ACKR3: variants seen among roughly 807,000 people sequenced by gnomAD.
ACKR3 encodes the protein atypical chemokine receptor 3, also known as C-X-C chemokine receptor type 7.
A neutral mutation model predicts 22.4 loss-of-function variants in ACKR3; 6 were observed. The observed-to-expected ratio is 0.27, with a 90% CI of 0.15 to 0.53. ACKR3 has a LOEUF of 0.53. Ranked by LOEUF, ACKR3 falls within the 20% of genes least tolerant of loss-of-function variation. ACKR3 has a pLI of 0.96. For synonymous variants in ACKR3, 209 were observed against 205.2 expected, an observed-to-expected ratio of 1.02 and a Z score of -0.16; for missense variants, 396 against 475.2, an observed-to-expected ratio of 0.83 and a Z score of 1.55.
the ACKR3 span, among the ~76,000 whole-genome samples, chr2:236,555,853 G>A: frequency 6.6e-6 from 1 of 151,888 alleles, no homozygotes; most frequent in African/African-American, 2.4e-5. Flanking sequence ...GGAGGCATTG[G>A]CTCACTCCTT....
the ACKR3 span, among the ~76,000 whole-genome samples, chr2:236,557,358 T>G: frequency 6.6e-6 from 1 of 151,922 alleles, no homozygotes; most frequent in East Asian, 1.9e-4. Flanking sequence ...AGGAGCACAC[T>G]TTGCACCCAG....
At chr2:236,539,319 T>G in the ACKR3 span, among the ~76,000 whole-genome samples, 4 of 143,686 alleles carry the variant, frequency 2.8e-5, no homozygotes, top group Non-Finnish European at 4.6e-5. Flanking sequence ...TTTTTTTTTT[T>G]TTTTTGTTTT....
the ACKR3 span, among the ~76,000 whole-genome samples, chr2:236,547,180 C>A: frequency 6.6e-6 from 1 of 152,176 alleles, no homozygotes; most frequent in African/African-American, 2.4e-5. Flanking sequence ...AAACCTAGTA[C>A]AGTGTGAAGA....
intron 1 of ACKR3, among the ~76,000 whole-genome samples, chr2:236,573,938 C>G (rs961759978): frequency 7.2e-5 from 11 of 152,154 alleles, no homozygotes; most frequent in African/African-American, 2.7e-4. Flanking sequence ...GTGACTCTAC[C>G]CATGGCTGTG....
the ACKR3 span, among the ~76,000 whole-genome samples, chr2:236,561,080 G>A: frequency 6.6e-6 from 1 of 152,226 alleles, no homozygotes; most frequent in Non-Finnish European, 1.5e-5. Context: ...ATGATTCCAT[G>A]TATATGAGGT....
chr2:236,580,903 C>T lies in ACKR3; in HGVS notation c.438C>T (p.Ile146=). The T allele has an allele frequency of 1.9e-6, 3 of 1,614,196 alleles. No individual in the cohort carries two copies. The highest frequency in any genetic ancestry group is 2.5e-6 in the Non-Finnish European group (3 of 1,180,038). ...TGAGCGTGGACCGCTACCTCTCCAT[C>T]ACCTACTTCACCAACACCCCCAGCA... is the stretch of plus-strand genomic sequence containing the variant. The part of the protein sequence containing the change: ...TCMSVDRYLS[I]TYFTNTPSSR... The change falls in exon 2 of 2, where the codon ATC becomes ATT. Residue 146 remains isoleucine (I), a synonymous_variant. Transcript: ENST00000272928.
chr2:236,542,726 G>C, the ACKR3 span, among the ~76,000 whole-genome samples: 1 of 152,238 alleles, frequency 6.6e-6, no homozygotes, highest in South Asian at 2.1e-4. Context: ...TTTATGTAGA[G>C]GCACACTGCC....
At chr2:236,568,562 C>T (rs1170201362), upstream of ACKR3, among the ~76,000 whole-genome samples, 1 of 152,230 alleles carries the variant, frequency 6.6e-6, no homozygotes, top group Admixed American at 6.5e-5. Flanking sequence ...TGGGAAAGGC[C>T]GGCCCCAGGG....
At chr2:236,558,270 T>G in the ACKR3 span, among the ~76,000 whole-genome samples, 29 of 152,324 alleles carry the variant, frequency 1.9e-4, no homozygotes, top group South Asian at 4.1e-3. Context: ...GCTAGTCATA[T>G]TTCCATCCAC....
chr2:236,561,512 C>CTT, the ACKR3 span, among the ~76,000 whole-genome samples: 2 of 145,768 alleles, frequency 1.4e-5, no homozygotes, highest in Non-Finnish European at 1.5e-5. Context: ...ACACAATTGA[C>CTT]TTTTTTTTTT....
the ACKR3 span, among the ~76,000 whole-genome samples, chr2:236,549,932 G>A: frequency 1.8e-4 from 28 of 152,198 alleles, no homozygotes; most frequent in Non-Finnish European, 3.5e-4. This position sits in a 1 kb window ranked among gnomAD's most constrained non-coding sequence, Gnocchi z 5.3. Context: ...CTAATGTGAC[G>A]GAGGGAATTT....
intron 1 of ACKR3, among the ~76,000 whole-genome samples, chr2:236,572,015 C>G (rs113780879): frequency 6.6e-6 from 1 of 152,022 alleles, no homozygotes; most frequent in Non-Finnish European, 1.5e-5. Context: ...AACTAAAGAT[C>G]GTGTCATGTC....
chr2:236,559,265 A>G, the ACKR3 span, among the ~76,000 whole-genome samples: 1 of 152,262 alleles, frequency 6.6e-6, no homozygotes, highest in African/African-American at 2.4e-5. Context: ...TAAGAAAGCG[A>G]AAGCTGAGAA....
chr2:236,540,018 T>C, the ACKR3 span, among the ~76,000 whole-genome samples: 3 of 152,066 alleles, frequency 2.0e-5, no homozygotes, highest in East Asian at 1.9e-4. Context: ...ACAGGAGGAT[T>C]ATTACATTTC....
At chr2:236,546,583 C>T in the ACKR3 span, among the ~76,000 whole-genome samples, 1 of 152,220 alleles carries the variant, frequency 6.6e-6, no homozygotes, top group Non-Finnish European at 1.5e-5. The surrounding 1 kb of genome is among the most constrained non-coding windows in gnomAD (Gnocchi z 4.9). Context: ...GCGCTCAGGC[C>T]TGCCAGACGT....
upstream of ACKR3, chr2:236,569,723 T>C (rs936082456): frequency 1.4e-5 from 2 of 147,774 alleles, no homozygotes; most frequent in Non-Finnish European, 3.0e-5. Flanking sequence ...GGGATGGGGG[T>C]GGCACGGGGG....
chr2:236,563,723 A>G (rs944481597), upstream of ACKR3, among the ~76,000 whole-genome samples: 2 of 152,154 alleles, frequency 1.3e-5, no homozygotes, highest in African/African-American at 4.8e-5. Flanking sequence ...TGCTGTTCCC[A>G]GATTCCGGGA....
intron 1 of ACKR3, among the ~76,000 whole-genome samples, chr2:236,575,891 G>A (rs1483720261): frequency 6.6e-6 from 1 of 152,168 alleles, no homozygotes; most frequent in Non-Finnish European, 1.5e-5. Flanking sequence ...AAAACATCTT[G>A]TGTACATTTG....
At chr2:236,579,527 T>C (rs1239660876) in intron 1 of ACKR3, among the ~76,000 whole-genome samples, 1 of 152,226 alleles carries the variant, frequency 6.6e-6, no homozygotes, top group East Asian at 1.9e-4. Flanking sequence ...GGCTGAATTC[T>C]GGCTGGGAGT....
Sources: allele counts gnomAD v4.1 joint callset (sites outside exome capture counted in the v4.1 genomes callset), GRCh38; gene constraint gnomAD v4.1.1; non-coding constraint Gnocchi (gnomAD v3.1); transcripts MANE v1.5; gene names NCBI Gene and HGNC (gene_info 2026-07-23, HGNC 2026-07-21).